Variants in DENND2A observed in about 807,000 individuals in gnomAD.
The protein encoded by DENND2A is DENN domain containing 2A.
DENND2A carries 53 observed loss-of-function variants against 105.3 expected under a neutral mutation model. The ratio of observed to expected loss-of-function variants is 0.50; its 90% CI spans 0.40 to 0.63. The LOEUF (loss-of-function observed/expected upper bound fraction) is 0.63. Among genes scored for constraint, DENND2A ranks in the 30% least tolerant of loss-of-function variants. The pLI is 0.00. For missense variants in DENND2A, 1,138 were observed against 1,279.6 expected (o/e 0.89, Z 1.69); for synonymous variants, 522 against 508.4 (o/e 1.03, Z -0.36).
chr7:140,601,564 T>G lies in DENND2A; in HGVS notation c.834A>C (p.Glu278Asp). ...TGCCAGGCTTCCCATCTTTGTCCCC[T>G]TCTCCGGCATGTTTGAACGTTCTCC... The part of the protein sequence containing the change: ...KPRRTFKHAG[E>D]GDKDGKPGIG... The change falls in exon 3 of 20, where the codon GAA becomes GAC. Residue 278 changes from glutamate to aspartate, a missense_variant. By Grantham distance (45) the Glu-to-Asp change is conservative (BLOSUM62 2). This residue lies in a region of DENND2A where 511 missense variants were observed against 499.9 expected (regional missense o/e 1.02). Transcript: ENST00000496613. 1.9e-6 allele frequency: 3 copies of G among 1,614,186 alleles called. No homozygotes were observed. The highest frequency in any genetic ancestry group is 2.5e-6 in the Non-Finnish European group (3 of 1,180,030).
chr7:140,606,127 GC>G (rs1166017531), intron 1 of DENND2A, among the ~76,000 whole-genome samples: 5 of 152,186 alleles, frequency 3.3e-5, no homozygotes, highest in African/African-American at 1.2e-4. Context: ...CGCAACCTGC[GC>G]CTCCTGGGCT....
At chr7:140,566,055 G>A (rs1340271590) in intron 9 of DENND2A, among the ~76,000 whole-genome samples, 5 of 152,194 alleles carry the variant, frequency 3.3e-5, no homozygotes, top group Admixed American at 3.3e-4. Flanking sequence ...GGGCTGTTCT[G>A]TCTATGGAGT....
At chr7:140,615,621 T>G (rs2130711046) in intron 1 of DENND2A, among the ~76,000 whole-genome samples, 1 of 151,630 alleles carries the variant, frequency 6.6e-6, no homozygotes, top group Middle Eastern at 3.4e-3. Flanking sequence ...GACTGCAGTC[T>G]CAACCTTCCT....
chr7:140,619,364 G>C (rs1399354020), intron 1 of DENND2A, among the ~76,000 whole-genome samples: 3 of 151,734 alleles, frequency 2.0e-5, no homozygotes, highest in African/African-American at 7.2e-5. Flanking sequence ...GATTGCTGAG[G>C]TTAGGAGTGG....
chr7:140,583,212 G>A (rs890525225), intron 5 of DENND2A, among the ~76,000 whole-genome samples: 4 of 152,122 alleles, frequency 2.6e-5, no homozygotes, highest in Non-Finnish European at 5.9e-5. Flanking sequence ...GGGAGGCTGA[G>A]GCAGGAGAAT....
chr7:140,540,842 C>T (rs1488229046), intron 14 of DENND2A, among the ~76,000 whole-genome samples: 1 of 152,066 alleles, frequency 6.6e-6, no homozygotes, highest in East Asian at 1.9e-4. Flanking sequence ...CTCAGCCTCC[C>T]GAGTAGCTGG....
At position 140,543,267 on chromosome 7, in the gene DENND2A, A is replaced by G. The variant is rs1441909576; in HGVS notation, c.2327+1351T>C. On this transcript the variant is annotated intron_variant, in intron 14 of 19. Transcript: ENST00000496613. ...CCTAGTAGCAGGGACTGTAGGCTCG[A>G]GCCACCATACCTGGCTAATTTTTTT... 3.4e-5 allele frequency among the ~76,000 whole-genome samples: 5 copies of G among 147,356 alleles called. No homozygotes were observed. The South Asian group carries it at 1.1e-3, about 32-fold the overall frequency.
intron 1 of DENND2A, among the ~76,000 whole-genome samples, chr7:140,621,369 C>T (rs1346197381): frequency 6.6e-6 from 1 of 151,264 alleles, no homozygotes; most frequent in African/African-American, 2.4e-5. Flanking sequence ...TTCTAGATTA[C>T]TTATAATACC....
chr7:140,573,349 T>C (rs73736617), intron 6 of DENND2A, among the ~76,000 whole-genome samples: 2,914 of 152,286 alleles, frequency 0.019, 100 homozygotes, highest in African/African-American at 0.066. Context: ...ATATAGAATG[T>C]ATATTTCCAA....
chr7:140,544,375 A>G (rs934528766), intron 14 of DENND2A: 8 of 584,444 alleles, frequency 1.4e-5, no homozygotes, highest in African/African-American at 3.7e-5. Context: ...TTCTATTTTT[A>G]GTAGAGACGG....
chr7:140,570,819 G>A (rs192750031), intron 6 of DENND2A, among the ~76,000 whole-genome samples: 208 of 152,296 alleles, frequency 1.4e-3, no homozygotes, highest in African/African-American at 4.5e-3. Context: ...AAGGAGACCT[G>A]CTTCCATGGA....
intron 1 of DENND2A, among the ~76,000 whole-genome samples, chr7:140,610,512 C>G (rs188238538): frequency 3.3e-5 from 5 of 152,172 alleles, no homozygotes; most frequent in African/African-American, 1.2e-4. Context: ...TTGCTCCAGA[C>G]TGACATTGCT....
In DENND2A at chr7:140,523,169, T is replaced by A. The variant is rs1795923124; in HGVS notation, c.2665+138A>T. ...ATTCACTGTGGGAATGAAATCCAGA[T>A]AAACAGAATGAGGCCCTGGTTTCTC... On this transcript the variant is annotated intron_variant, in intron 17 of 19. Transcript: ENST00000496613. This position sits in a 1 kb window ranked among gnomAD's most constrained non-coding sequence, Gnocchi z 4.5. The A allele has an allele frequency of 2.6e-6, 2 of 778,148 alleles. No individual in the cohort carries two copies. The highest frequency in any genetic ancestry group is 4.3e-6 in the Non-Finnish European group (2 of 464,206). 48.2% of individuals were successfully genotyped at this position (778,148 alleles called of 1,614,324 possible).
At chr7:140,585,352 A>G (rs1333011281) in intron 5 of DENND2A, among the ~76,000 whole-genome samples, 1 of 152,194 alleles carries the variant, frequency 6.6e-6, no homozygotes, top group Non-Finnish European at 1.5e-5. Flanking sequence ...TTATTTACCC[A>G]GTTTGAGGAG....
intron 14 of DENND2A, among the ~76,000 whole-genome samples, chr7:140,531,264 A>C (rs905394329): frequency 2.0e-5 from 3 of 152,206 alleles, no homozygotes; most frequent in African/African-American, 7.2e-5. Flanking sequence ...GCGTGGAGCC[A>C]GGCTACAAAG....
chr7:140,638,497 C>T (rs1459137478), intron 1 of DENND2A, among the ~76,000 whole-genome samples: 2 of 152,014 alleles, frequency 1.3e-5, no homozygotes, highest in Admixed American at 1.3e-4. Flanking sequence ...GCCTTGGTCT[C>T]CTCCTCCTCC....
At position 140,555,664 on chromosome 7, in the gene DENND2A, C is replaced by T. The variant is rs562738531; in HGVS notation, c.2009G>A (p.Arg670His). Reference protein sequence around the residue: ...RLPEVYCIVSRLGCFSLFSRI... With the variant: ...RLPEVYCIVSHLGCFSLFSRI... ...TGAAAAGAGGCTGAAGCATCCCAGG[C>T]GGCTCACAATGCAGTAAACTTCAGG... The change falls in exon 12 of 20, where the codon CGC (arginine) becomes CAC (histidine). Residue 670 changes from arginine (R) to histidine (H), a missense_variant. Physicochemically the swap from Arg to His is conservative, Grantham distance 29. Around this residue, in one of 2 missense-constraint regions of DENND2A, gnomAD observed 627 missense variants for 779.8 expected, o/e 0.80. Coordinates refer to ENST00000496613, the MANE Select transcript of DENND2A (RefSeq NM_015689.5). 13 of 1,609,180 alleles carry T rather than the reference C, an allele frequency of 8.1e-6. No homozygotes were observed. The highest frequency in any genetic ancestry group is 2.2e-5 in the East Asian group (1 of 44,626).
At chr7:140,548,148 A>G (rs1012110962) in intron 12 of DENND2A, among the ~76,000 whole-genome samples, 11 of 152,066 alleles carry the variant, frequency 7.2e-5, no homozygotes, top group African/African-American at 2.7e-4. Context: ...CTTGCCTTCA[A>G]CTTCTGGGCT....
chr7:140,538,775 G>A (rs1223618757), intron 14 of DENND2A, among the ~76,000 whole-genome samples: 2 of 151,538 alleles, frequency 1.3e-5, no homozygotes, highest in African/African-American at 4.9e-5. Flanking sequence ...CAAAGTGCTG[G>A]GATTACAGGG....
Sources: gnomAD v4.1 joint callset for allele counts (sites outside exome capture counted in the v4.1 genomes callset) on GRCh38, gnomAD v4.1.1 for gene constraint, gnomAD v4.1.1 regional missense constraint, Gnocchi (gnomAD v3.1) non-coding constraint, MANE v1.5 for transcripts, NCBI Gene and HGNC (gene_info 2026-07-23, HGNC 2026-07-21) for gene names.